RASL10B: variants seen among roughly 807,000 people sequenced by gnomAD.
The protein encoded by RASL10B is ras-like protein family member 10B.
A neutral mutation model predicts 20.7 loss-of-function variants in RASL10B; 10 were observed. That is an observed-to-expected ratio of 0.48 (90% CI 0.30 to 0.82). RASL10B has a LOEUF of 0.82. RASL10B is among the 40% of genes least tolerant of loss of function. RASL10B has a pLI of 0.07. For synonymous variants in RASL10B, 110 were observed against 123.3 expected (o/e 0.89, Z 0.72); for missense variants, 231 against 295.4 (o/e 0.78, Z 1.60).
At chr17:35,736,391 G>T (rs1015891462) in intron 2 of RASL10B, among the ~76,000 whole-genome samples, 51 of 152,374 alleles carry the variant, frequency 3.3e-4, no homozygotes, top group African/African-American at 1.2e-3. Context: ...ACCCTGGGCT[G>T]GGAGATGGCG....
chr17:35,733,738 T>A (rs924989954), intron 1 of RASL10B, among the ~76,000 whole-genome samples: 4 of 152,266 alleles, frequency 2.6e-5, no homozygotes, highest in Non-Finnish European at 1.5e-5. Flanking sequence ...CTCCTTTTCC[T>A]GGCTAAGAGA....
rs1185968182 is a variant in RASL10B at position 35,742,329 on chromosome 17, G to C, written c.*1024G>C. On this transcript the variant is annotated 3_prime_UTR_variant, in exon 4 of 4. Coordinates refer to ENST00000603017, the MANE Select transcript of RASL10B (RefSeq NM_033315.4). ...GTCTCAACCCCATCTGACTACCCCA[G>C]ACTCTGCCTGCCTCAGATCTCAGAC... 4 of 152,442 alleles carry C rather than the reference G, an allele frequency of 2.6e-5. No individual in the cohort carries two copies. The highest frequency in any genetic ancestry group is 5.9e-5 in the Non-Finnish European group (4 of 68,218). The allele number at this position is 152,442 out of a possible 1,614,324, so 9.4% of individuals were successfully genotyped here. A position where few individuals can be genotyped will look rare whatever the true frequency, so the allele number is the denominator to read the frequency against.
At chr17:35,733,364 C>A (rs2085571319) in intron 1 of RASL10B, among the ~76,000 whole-genome samples, 1 of 152,216 alleles carries the variant, frequency 6.6e-6, no homozygotes, top group Non-Finnish European at 1.5e-5. Flanking sequence ...AATAAAGTTT[C>A]TTGCCCAAGG....
At chr17:35,740,336 G>C in intron 2 of RASL10B, 73 bp from the exon 3 acceptor site, 8 of 1,570,846 alleles carry the variant, frequency 5.1e-6, no homozygotes, top group Non-Finnish European at 6.9e-6. Context: ...CTGCCCCTCT[G>C]ATGGGAGGTG....
rs1204228965 is a variant in RASL10B, at chr17:35,735,359, G to C, written c.175G>C (p.Asp59His). 2 of 1,614,048 alleles carry C rather than the reference G, an allele frequency of 1.2e-6. No individual in the cohort carries two copies. The highest frequency in any genetic ancestry group is 1.7e-6 in the Non-Finnish European group (2 of 1,180,054). The change falls in exon 2 of 4, where the codon GAC (aspartate) becomes CAC (histidine). Residue 59 changes from aspartate to histidine, a missense_variant. Asp to His is a moderately conservative substitution (Grantham distance 81). Coordinates refer to ENST00000603017, the MANE Select transcript of RASL10B (RefSeq NM_033315.4). This position sits in a 1 kb window ranked among gnomAD's most constrained non-coding sequence, Gnocchi z 6.7. The stretch of plus-strand genomic sequence containing the variant: ...CCACGTGCACGACCTCCAGATCCTC[G>C]ACTTTCCACCCATCAGCGCCTTCCC... ...NGHVHDLQIL[D>H]FPPISAFPVN...
chr17:35,740,603 G>C, intron 3 of RASL10B, 70 bp downstream of exon 3: 1 of 1,564,284 alleles, frequency 6.4e-7, no homozygotes, highest in South Asian at 1.1e-5. Flanking sequence ...CCTGTGAAAA[G>C]GGCACAGTAT....
Position 35,742,209 on chromosome 17 carries a change from G to A in RASL10B, c.*904G>A, listed in dbSNP as rs2085633996. On this transcript the variant is annotated 3_prime_UTR_variant, in exon 4 of 4. Coordinates refer to ENST00000603017, the MANE Select transcript of RASL10B (RefSeq NM_033315.4). ...CCTTCTGCATACTGCAATCTGATCTGTCAGACTGGGGAATGTTGGGTTCTG... is the reference window on the plus strand; with the variant it reads ...CCTTCTGCATACTGCAATCTGATCTATCAGACTGGGGAATGTTGGGTTCTG... 6.6e-6 allele frequency: 1 copy of A among 151,780 alleles called. No individual in the cohort carries two copies. The allele number at this position is 151,780 out of a possible 1,614,324, so 9.4% of individuals were successfully genotyped here. A position where few individuals can be genotyped will look rare whatever the true frequency, so the allele number is the denominator to read the frequency against.
intron 2 of RASL10B, chr17:35,737,118 G>C (rs782382548): frequency 6.6e-6 from 1 of 152,060 alleles, no homozygotes; most frequent in Non-Finnish European, 1.5e-5. Flanking sequence ...TGCTTCTTAC[G>C]TAAAGAACAA....
intron 2 of RASL10B, among the ~76,000 whole-genome samples, chr17:35,739,045 G>A (rs2143020152): frequency 6.6e-6 from 1 of 152,242 alleles, no homozygotes. Context: ...TTTGTCCTCG[G>A]CATCCTCCCG....
At chr17:35,733,232 A>G (rs8077777) in intron 1 of RASL10B, among the ~76,000 whole-genome samples, 1 of 152,190 alleles carries the variant, frequency 6.6e-6, no homozygotes, top group African/African-American at 2.4e-5. Flanking sequence ...AGGAGGTTCC[A>G]CTGCTAAGTT....
At chr17:35,734,053 G>T (rs2085574985) in intron 1 of RASL10B, among the ~76,000 whole-genome samples, 1 of 152,196 alleles carries the variant, frequency 6.6e-6, no homozygotes, top group African/African-American at 2.4e-5. Flanking sequence ...CCAGCACTTT[G>T]GGAGGCCAAG....
At chr17:35,734,915 G>T in intron 1 of RASL10B, 123 bp from the exon 2 acceptor site, 1 of 539,454 alleles carries the variant, frequency 1.9e-6, no homozygotes, top group Non-Finnish European at 3.3e-6. Context: ...AGCCACAGGG[G>T]TTCTGGGAGA....
intron 2 of RASL10B, 122 bp from the exon 3 acceptor site, chr17:35,740,286 CG>C: frequency 7.8e-7 from 1 of 1,276,784 alleles, no homozygotes; most frequent in Non-Finnish European, 1.1e-6. Context: ...TGGGGATGGT[CG>C]GGTATGGAAG....
chr17:35,733,888 C>T (rs1261468816), intron 1 of RASL10B, among the ~76,000 whole-genome samples: 1 of 152,246 alleles, frequency 6.6e-6, no homozygotes, highest in African/African-American at 2.4e-5. Flanking sequence ...TATCAAGGCC[C>T]AAACCCCTAG....
chr17:35,741,268 A>C lies in RASL10B; in HGVS notation c.575A>C (p.Gln192Pro). ...CKHVHAALRF[Q>P]GALRRNRCAI... ...CACGTGCACGCTGCCCTGCGCTTCC[A>C]GGGCGCGCTGCGCCGCAACCGCTGC... Residue 192 changes from glutamine (Q) to proline (P), a missense_variant, in exon 4 of 4, where the codon CAG becomes CCG. Transcript: ENST00000603017. 1 of 1,547,070 alleles carries C rather than the reference A, an allele frequency of 6.5e-7. No individual in the cohort carries two copies. Among genetic ancestry groups the C allele is most frequent in the South Asian group, 1.2e-5 (1 of 84,450 alleles).
At chr17:35,740,375 G>C (rs201328949) in intron 2 of RASL10B, 34 bp from the exon 3 acceptor site, 223 of 1,608,114 alleles carry the variant, frequency 1.4e-4, no homozygotes, top group Admixed American at 4.8e-4. Context: ...CCTCATGGCT[G>C]CTCTGACCCT....
In RASL10B at chr17:35,741,557, C is replaced by T. The variant is rs9891344; in HGVS notation, c.*252C>T. ...GCTGTATTTAGTGCAGTGCCCGGCC[C>T]GACCCGCGGGGGTGCCACAGCCTTT... On this transcript the variant is annotated 3_prime_UTR_variant, in exon 4 of 4. Coordinates refer to ENST00000603017, the MANE Select transcript of RASL10B (RefSeq NM_033315.4). The T allele has an allele frequency of 9.5e-4, 438 of 461,552 alleles. 2 individuals carry two copies. The highest frequency in any genetic ancestry group is 7.7e-3 in the African/African-American group (382 of 49,364). The allele number at this position is 461,552 out of a possible 1,614,324, so 28.6% of individuals were successfully genotyped here.
At position 35,735,371 on chromosome 17, in the gene RASL10B, A is replaced by C; in HGVS notation, c.187A>C (p.Ile63Leu). The change falls in exon 2 of 4, where the codon ATC becomes CTC. Residue 63 changes from isoleucine to leucine, a missense_variant. Transcript: ENST00000603017. This position sits in a 1 kb window ranked among gnomAD's most constrained non-coding sequence, Gnocchi z 6.7. ...HDLQILDFPPISAFPVNTLQE... is the reference protein window; with the variant it reads ...HDLQILDFPPLSAFPVNTLQE... ...CCTCCAGATCCTCGACTTTCCACCC[A>C]TCAGCGCCTTCCCTGTCAATACGCT... 3 of 1,614,132 alleles carry C rather than the reference A, an allele frequency of 1.9e-6. No individual in the cohort carries two copies. The highest frequency in any genetic ancestry group is 2.5e-6 in the Non-Finnish European group (3 of 1,180,042).
chr17:35,739,770 T>G (rs1232651032), intron 2 of RASL10B, among the ~76,000 whole-genome samples: 1 of 152,188 alleles, frequency 6.6e-6, no homozygotes, highest in Non-Finnish European at 1.5e-5. Context: ...GGTAGTGCTA[T>G]TAAGGAGCAC....
Sources: gnomAD v4.1 joint callset for allele counts (sites outside exome capture counted in the v4.1 genomes callset) on GRCh38, gnomAD v4.1.1 for gene constraint, Gnocchi (gnomAD v3.1) non-coding constraint, MANE v1.5 for transcripts, NCBI Gene and HGNC (gene_info 2026-07-23, HGNC 2026-07-21) for gene names.